The following C5 variants were observed in gnomAD, a reference collection of about 807,000 sequenced individuals.
The protein encoded by C5 is complement C5.
In C5, 140 loss-of-function variants were observed where a neutral mutation model predicts 218.8. The observed-to-expected ratio is 0.64, with a 90% CI of 0.56 to 0.74. The LOEUF (loss-of-function observed/expected upper bound fraction) is 0.74. Ranked by LOEUF, C5 falls within the 30% of genes least tolerant of loss-of-function variation. C5 has a pLI of 0.00. For synonymous variants in C5, 614 were observed against 682.3 expected (o/e 0.90, Z 1.56); for missense variants, 1,700 against 1,969.6 (o/e 0.86, Z 2.59).
chr9:120,981,950 G>A lies in C5; in HGVS notation c.3391-11C>T, dbSNP rs373007986. ...AACAGGCAAGGTACCCTAAAAAGAA[G>A]CAATGTTTTAAAAGGGGAGTGAAAT... On this transcript the variant is annotated splice_polypyrimidine_tract_variant and intron_variant, in intron 26 of 40. Coordinates refer to ENST00000223642, the MANE Select transcript of C5 (RefSeq NM_001735.3). 6.3e-6 allele frequency: 10 copies of A among 1,592,348 alleles called. No homozygotes were observed. The highest frequency in any genetic ancestry group is 1.3e-5 in the African/African-American group (1 of 74,466).
intron 25 of C5, among the ~76,000 whole-genome samples, chr9:120,986,609 G>A (rs2047034682): frequency 6.6e-6 from 1 of 152,134 alleles, no homozygotes; most frequent in East Asian, 1.9e-4. Context: ...CTGAGAGGCT[G>A]TTGTACCTTC....
rs117770329 is a variant in C5, at chr9:120,979,072, G to A, written c.3658+1011C>T. Among the ~76,000 whole-genome samples, 17 of 152,286 alleles carry A rather than the reference G, an allele frequency of 1.1e-4. No homozygotes were observed. The East Asian group carries it at 3.3e-3, about 29-fold the overall frequency. ...AGAAGCCCTGAAGAGTCTCTCTAAT[G>A]CCTTAAATGACCTTCCCTTGCTCCC... is the stretch of plus-strand genomic sequence containing the variant. On this transcript the variant is annotated intron_variant, in intron 28 of 40. Transcript: ENST00000223642.
chr9:121,064,800 C>T, the C5 span, among the ~76,000 whole-genome samples: 1 of 152,290 alleles, frequency 6.6e-6, no homozygotes, highest in East Asian at 1.9e-4. Context: ...GCAGCTCATG[C>T]CTGTAATCCC....
intron 33 of C5, 40 bp downstream of exon 33, chr9:120,969,021 A>T (rs2046889949): frequency 6.5e-7 from 1 of 1,529,682 alleles, no homozygotes. Flanking sequence ...CAAAAATGAG[A>T]ACTTGGAGTC....
At chr9:121,059,268 G>A in the C5 span, among the ~76,000 whole-genome samples, 2 of 152,302 alleles carry the variant, frequency 1.3e-5, no homozygotes, top group Admixed American at 6.5e-5. The surrounding 1 kb of genome is among the most constrained non-coding windows in gnomAD (Gnocchi z 4.1). Flanking sequence ...ATAAGGCTAA[G>A]AGAAAATCCA....
chr9:121,051,299 T>C (rs2047669593), upstream of C5, among the ~76,000 whole-genome samples: 1 of 152,012 alleles, frequency 6.6e-6, no homozygotes, highest in Non-Finnish European at 1.5e-5. Flanking sequence ...ATTTTTTGTA[T>C]TTTTAGTAGA....
intron 20 of C5, among the ~76,000 whole-genome samples, chr9:121,001,902 T>C (rs2047164306): frequency 6.6e-6 from 1 of 152,040 alleles, no homozygotes; most frequent in South Asian, 2.1e-4. Context: ...TAGGAAGATA[T>C]GTATGCATAA....
At chr9:121,041,837 C>T (rs2047584220) in intron 3 of C5, among the ~76,000 whole-genome samples, 1 of 152,172 alleles carries the variant, frequency 6.6e-6, no homozygotes, top group Non-Finnish European at 1.5e-5. Context: ...AAAGTTGTCT[C>T]TTGGAGAAAA....
chr9:120,981,463 A>G (rs915736387), intron 27 of C5, among the ~76,000 whole-genome samples: 1 of 152,178 alleles, frequency 6.6e-6, no homozygotes, highest in African/African-American at 2.4e-5. Context: ...TGCTTTCACT[A>G]TAGGATAACA....
In C5 at chr9:121,021,643, G is replaced by A. The variant is rs763556527; in HGVS notation, c.1168C>T (p.Leu390=). The change falls in exon 11 of 41, where the codon CTG becomes TTG. Residue 390 remains leucine, a synonymous_variant. Coordinates refer to ENST00000223642, the MANE Select transcript of C5 (RefSeq NM_001735.3). ...TTTACATCAATTGTTTGTGCATTCA[G>A]TGTTACTGGGACTCCTCCTACCAAC... ...DQLVGGVPVT[L]NAQTIDVNQE... The A allele has an allele frequency of 3.1e-6, 5 of 1,613,772 alleles. No individual in the cohort carries two copies. Among genetic ancestry groups the A allele is most frequent in the Non-Finnish European group, 4.2e-6 (5 of 1,179,834 alleles).
chr9:121,028,773 G>A (rs551389795), intron 7 of C5, among the ~76,000 whole-genome samples: 1 of 152,162 alleles, frequency 6.6e-6, no homozygotes, highest in South Asian at 2.1e-4. Flanking sequence ...AAACCAACAT[G>A]GCACATGTAT....
chr9:120,960,464 A>C (rs1397376802), intron 37 of C5, 127 bp from the exon 38 acceptor site: 2 of 678,954 alleles, frequency 2.9e-6, no homozygotes, highest in Non-Finnish European at 5.3e-6. Flanking sequence ...TCAGATTTCT[A>C]AGACCTGCCC....
chr9:121,052,668 C>G (rs1441837887), upstream of C5, among the ~76,000 whole-genome samples: 1 of 152,012 alleles, frequency 6.6e-6, no homozygotes, highest in Non-Finnish European at 1.5e-5. Flanking sequence ...GCACCAGGCC[C>G]CTCTTGAGCC....
At chr9:121,050,935 G>A (rs939883188), upstream of C5, among the ~76,000 whole-genome samples, 4 of 151,940 alleles carry the variant, frequency 2.6e-5, no homozygotes, top group South Asian at 8.3e-4. Flanking sequence ...ATTTATTAAG[G>A]CATATACCAC....
chr9:121,030,529 G>C lies in C5; in HGVS notation c.668-42C>G, dbSNP rs538453603. 7 of 1,213,188 alleles carry C rather than the reference G, an allele frequency of 5.8e-6. No individual in the cohort carries two copies. In the South Asian group the frequency reaches 8.2e-5, roughly 14 times the overall value. The allele number at this position is 1,213,188 out of a possible 1,614,324, so 75.2% of individuals were successfully genotyped here. On this transcript the variant is annotated intron_variant, in intron 6 of 40. Transcript: ENST00000223642. ...ACAGGTAATATTACCATTTTGATTA[G>C]AGCAGACTTTAAAGCCTAGCAAACA...
In C5 at chr9:121,016,153, T is replaced by C; in HGVS notation, c.1996+101A>G. The C allele has an allele frequency of 4.1e-6, 6 of 1,453,908 alleles. No individual in the cohort carries two copies. The South Asian group carries it at 6.9e-5, about 17-fold the overall frequency. The allele number at this position is 1,453,908 out of a possible 1,614,324, so 90.1% of individuals were successfully genotyped here. ...GGTGAGTTATGTAGTCTTGGCATTCTAAGATCAGGGTACAGAATATTTGGG... is the reference window on the plus strand; with the variant it reads ...GGTGAGTTATGTAGTCTTGGCATTCCAAGATCAGGGTACAGAATATTTGGG... On this transcript the variant is annotated intron_variant, in intron 15 of 40. Transcript: ENST00000223642.
chr9:121,016,317 C>T lies in C5; in HGVS notation c.1933G>A (p.Val645Met). The change falls in exon 15 of 41, where the codon GTG becomes ATG. Residue 645 changes from valine (V) to methionine (M), a missense_variant. Transcript: ENST00000223642. ...AAGGTAAGTCCAGCTAGGTGGAACA[C>T]ATTGGCATTGTTGAGGCCACCACCT... ...GAGGGLNNAN[V>M]FHLAGLTFLT... 6.2e-7 allele frequency: 1 copy of T among 1,614,052 alleles called. No homozygotes were observed. Among genetic ancestry groups the T allele is most frequent in the Non-Finnish European group, 8.5e-7 (1 of 1,179,936 alleles).
intron 24 of C5, among the ~76,000 whole-genome samples, 192 bp downstream of exon 24, chr9:120,989,376 T>C (rs2047058658): frequency 6.6e-6 from 1 of 152,186 alleles, no homozygotes. Flanking sequence ...TTGCCTCTCA[T>C]TCAGGCATTT....
chr9:120,969,497 C>G (rs2046894518), intron 32 of C5, among the ~76,000 whole-genome samples: 2 of 152,116 alleles, frequency 1.3e-5, no homozygotes, highest in South Asian at 4.1e-4. Flanking sequence ...TGGAAAATAT[C>G]AGGGCAGAGG....
Sources: gnomAD v4.1 joint callset for allele counts (sites outside exome capture counted in the v4.1 genomes callset) on GRCh38, gnomAD v4.1.1 for gene constraint, Gnocchi (gnomAD v3.1) non-coding constraint, MANE v1.5 for transcripts, NCBI Gene and HGNC (gene_info 2026-07-23, HGNC 2026-07-21) for gene names.